PPP1R12A: variants seen among roughly 807,000 people sequenced by gnomAD.
PPP1R12A encodes protein phosphatase 1 regulatory subunit 12A, also known as myosin binding subunit.
Under a neutral mutation model 139.6 loss-of-function variants are expected in PPP1R12A, and 19 were observed. That is an observed-to-expected ratio of 0.14 (90% CI 0.09 to 0.20). PPP1R12A has a LOEUF of 0.20. Ranked by LOEUF, PPP1R12A falls within the 10% of genes least tolerant of loss-of-function variation. The pLI, the probability that PPP1R12A is intolerant of heterozygous loss-of-function variation, is 1.00. For synonymous variants in PPP1R12A, 427 were observed against 420.6 expected (o/e 1.02, Z -0.19); for missense variants, 925 against 1,211.5 (o/e 0.76, Z 3.51).
chr12:79,857,424 G>A (rs12827928), intron 2 of PPP1R12A, among the ~76,000 whole-genome samples: 14,606 of 147,176 alleles, frequency 0.099, 2,010 homozygotes, highest in African/African-American at 0.32. Flanking sequence ...ACACTCTGGG[G>A]ACTGTTGTGG....
chr12:79,935,072 A>G lies in PPP1R12A; in HGVS notation c.-141T>C. The G allele has an allele frequency of 7.1e-7, 1 of 1,407,842 alleles. No homozygotes were observed. The highest frequency in any genetic ancestry group is 9.2e-7 in the Non-Finnish European group (1 of 1,083,470). The allele number at this position is 1,407,842 out of a possible 1,614,324, so 87.2% of individuals were successfully genotyped here. A position where few individuals can be genotyped will look rare whatever the true frequency, so the allele number is the denominator to read the frequency against. On this transcript the variant is annotated 5_prime_UTR_variant, in exon 1 of 25. Coordinates refer to ENST00000450142, the MANE Select transcript of PPP1R12A (RefSeq NM_002480.3). Reference sequence around the variant, plus strand: ...GCTGGGAACCCGGAGCCGACGCTCGAGACTTCCAGTATCCCACAGAGCACT... The same window carrying G: ...GCTGGGAACCCGGAGCCGACGCTCGGGACTTCCAGTATCCCACAGAGCACT...
chr12:79,812,276 A>G (rs1321493114), intron 9 of PPP1R12A, among the ~76,000 whole-genome samples: 1 of 152,078 alleles, frequency 6.6e-6, no homozygotes, highest in African/African-American at 2.4e-5. Context: ...GAAATACTTA[A>G]CTATACCTCC....
rs547482975 is a variant in PPP1R12A, at chr12:79,842,107, T to C, written c.487+3195A>G. 2.0e-3 allele frequency among the ~76,000 whole-genome samples: 302 copies of C among 151,848 alleles called. 1 individual carries two copies. The highest frequency in any genetic ancestry group is 6.8e-3 in the Middle Eastern group (2 of 294). On this transcript the variant is annotated intron_variant, in intron 3 of 24. Transcript: ENST00000450142. ...GGCCAAGATAGGTGGACTGCTTGAG[T>C]TCAAGAGTTCAAGATCAGCCTGACC...
At chr12:79,904,826 G>C (rs1885957184) in intron 1 of PPP1R12A, among the ~76,000 whole-genome samples, 1 of 152,168 alleles carries the variant, frequency 6.6e-6, no homozygotes, top group Non-Finnish European at 1.5e-5. Flanking sequence ...TCTCAGTGAA[G>C]GTGTGTGTGG....
chr12:79,841,801 A>G (rs557849440), intron 3 of PPP1R12A, among the ~76,000 whole-genome samples: 1 of 152,164 alleles, frequency 6.6e-6, no homozygotes, highest in Non-Finnish European at 1.5e-5. Flanking sequence ...TCTTTAGTTT[A>G]CTCAATTCTA....
intron 2 of PPP1R12A, among the ~76,000 whole-genome samples, chr12:79,862,523 G>A (rs965611990): frequency 6.6e-6 from 1 of 152,156 alleles, no homozygotes; most frequent in African/African-American, 2.4e-5. Flanking sequence ...ACTTCTCCGA[G>A]CTAAAAGAGC....
intron 1 of PPP1R12A, among the ~76,000 whole-genome samples, chr12:79,877,399 T>C (rs1883212540): frequency 6.6e-6 from 1 of 152,216 alleles, no homozygotes; most frequent in Non-Finnish European, 1.5e-5. Context: ...AGCTATTTAA[T>C]GACGAAGAAA....
rs763514139 is a variant in PPP1R12A, at chr12:79,817,470, G to T, written c.1163C>A (p.Thr388Lys). 1 of 1,607,194 alleles carries T rather than the reference G, an allele frequency of 6.2e-7. No homozygotes were observed. Among genetic ancestry groups the T allele is most frequent in the Non-Finnish European group, 8.5e-7 (1 of 1,176,034 alleles). ...ASVTNANTSS[T>K]QAAPVAVTTP... The stretch of plus-strand genomic sequence containing the variant: ...TGTAACAGCTACAGGAGCTGCTTGT[G>T]TACTAGAAGTGTTGGCATTAGTTAC... The change falls in exon 9 of 25, where the codon ACA becomes AAA. Residue 388 changes from threonine to lysine, a missense_variant. Physicochemically the swap from Thr to Lys is moderately conservative, Grantham distance 78. Coordinates refer to ENST00000450142, the MANE Select transcript of PPP1R12A (RefSeq NM_002480.3).
intron 2 of PPP1R12A, among the ~76,000 whole-genome samples, chr12:79,868,786 G>A (rs1882260070): frequency 6.7e-6 from 1 of 150,268 alleles, no homozygotes; most frequent in African/African-American, 2.5e-5. Context: ...AGGGTTTCAA[G>A]TAAGAATTTT....
chr12:79,790,834 T>G (rs1871754428), intron 19 of PPP1R12A, among the ~76,000 whole-genome samples: 1 of 152,208 alleles, frequency 6.6e-6, no homozygotes, highest in Non-Finnish European at 1.5e-5. Context: ...AAATTTAGCC[T>G]TTTCTTTTTC....
intron 1 of PPP1R12A, among the ~76,000 whole-genome samples, chr12:79,908,298 T>C (rs1886291172): frequency 1.3e-5 from 2 of 152,242 alleles, no homozygotes; most frequent in Non-Finnish European, 2.9e-5. Context: ...CTGTTTGTAG[T>C]AGTGGAAGCA....
intron 1 of PPP1R12A, among the ~76,000 whole-genome samples, chr12:79,927,423 T>C (rs1405599131): frequency 1.3e-5 from 2 of 152,198 alleles, no homozygotes; most frequent in African/African-American, 2.4e-5. Flanking sequence ...TTAGATACAG[T>C]ACTACTGCAC....
At chr12:79,792,861 G>C (rs1376505910) in intron 19 of PPP1R12A, among the ~76,000 whole-genome samples, 1 of 152,098 alleles carries the variant, frequency 6.6e-6, no homozygotes, top group African/African-American at 2.4e-5. Flanking sequence ...AACAGTTAAA[G>C]CTTTAGGCCT....
intron 2 of PPP1R12A, among the ~76,000 whole-genome samples, chr12:79,861,678 G>A (rs962221121): frequency 6.6e-6 from 1 of 152,116 alleles, no homozygotes; most frequent in African/African-American, 2.4e-5. Flanking sequence ...TTGGCTCGGC[G>A]GGTCTCACGC....
intron 1 of PPP1R12A, among the ~76,000 whole-genome samples, chr12:79,887,994 G>C (rs1411771528): frequency 6.6e-6 from 1 of 152,102 alleles, no homozygotes. Flanking sequence ...ACACATAGTT[G>C]TTAACTAATT....
chr12:79,934,659 T>C, intron 1 of PPP1R12A, 36 bp downstream of exon 1: 1 of 1,489,300 alleles, frequency 6.7e-7, no homozygotes, highest in Non-Finnish European at 9.0e-7. Context: ...ACGAGAACCC[T>C]CACGGTCAGG....
chr12:79,788,108 T>C (rs1871344384), intron 21 of PPP1R12A: 1 of 152,372 alleles, frequency 6.6e-6, no homozygotes, highest in African/African-American at 2.4e-5. Flanking sequence ...TTTAAAAAAG[T>C]ATGTAATTCA....
In PPP1R12A at chr12:79,832,355, A is replaced by G; in HGVS notation, c.624T>C (p.Ala208=). ...ACTTTAAAACTTCCGTATAGCCTTTAGCAGCTGCAACGTGAAGTGCTGTAC... is the reference window on the plus strand; with the variant it reads ...ACTTTAAAACTTCCGTATAGCCTTTGGCAGCTGCAACGTGAAGTGCTGTAC... The part of the protein sequence containing the change: ...SGGTALHVAA[A]KGYTEVLKLL... Residue 208 remains alanine (A), a synonymous_variant, in exon 4 of 25, where the codon GCT becomes GCC. Coordinates refer to ENST00000450142, the MANE Select transcript of PPP1R12A (RefSeq NM_002480.3). 1 of 1,611,958 alleles carries G rather than the reference A, an allele frequency of 6.2e-7. No individual in the cohort carries two copies. Among genetic ancestry groups the G allele is most frequent in the Admixed American group, 1.7e-5 (1 of 59,556 alleles).
Position 79,774,690 on chromosome 12 carries a change from T to C in PPP1R12A, c.*1239A>G, listed in dbSNP as rs1869553149. 1 of 151,226 alleles carries C rather than the reference T, an allele frequency of 6.6e-6. No individual in the cohort carries two copies. Among genetic ancestry groups the C allele is most frequent in the Admixed American group, 6.6e-5 (1 of 15,140 alleles). The allele number at this position is 151,226 out of a possible 1,614,324, so 9.4% of individuals were successfully genotyped here. ...AAATGGTCTGAACATGATGGTGGTA[T>C]CAAAGTCGATGCCTCTTCACATGGC... On this transcript the variant is annotated 3_prime_UTR_variant, in exon 25 of 25. Coordinates refer to ENST00000450142, the MANE Select transcript of PPP1R12A (RefSeq NM_002480.3).
Sources: allele counts gnomAD v4.1 joint callset (sites outside exome capture counted in the v4.1 genomes callset), GRCh38; gene constraint gnomAD v4.1.1; transcripts MANE v1.5; gene names NCBI Gene and HGNC (gene_info 2026-07-23, HGNC 2026-07-21).